Variants in COG5 observed in about 807,000 individuals in gnomAD.
COG5 encodes the protein component of oligomeric golgi complex 5.
Under a neutral mutation model 110.4 loss-of-function variants are expected in COG5, and 86 were observed. That is an observed-to-expected ratio of 0.78 (90% CI 0.65 to 0.93). The LOEUF (loss-of-function observed/expected upper bound fraction) is 0.93, where lower values mean the gene tolerates loss of function less well. Among genes scored for constraint, COG5 ranks in the 40% least tolerant of loss-of-function variants. The pLI is 0.00. For synonymous variants in COG5, 360 were observed against 334.6 expected (o/e 1.08, Z -0.83); for missense variants, 1,077 against 987.0 (o/e 1.09, Z -1.22).
intron 7 of COG5, among the ~76,000 whole-genome samples, chr7:107,387,127 T>C (rs971083996): frequency 6.6e-6 from 1 of 152,216 alleles, no homozygotes; most frequent in African/African-American, 2.4e-5. Flanking sequence ...AGTATTTCTT[T>C]TAACACTTAT....
chr7:107,332,379 T>G (rs892835742), intron 10 of COG5, among the ~76,000 whole-genome samples: 3 of 152,102 alleles, frequency 2.0e-5, no homozygotes, highest in Admixed American at 2.0e-4. Flanking sequence ...AAAATAAAGA[T>G]TGAGCATAAG....
chr7:107,387,235 G>C (rs527779681), intron 7 of COG5, among the ~76,000 whole-genome samples: 34 of 152,330 alleles, frequency 2.2e-4, no homozygotes, highest in African/African-American at 7.9e-4. Context: ...CCCAGAGCCA[G>C]CAAATGCTCC....
chr7:107,210,492 A>C (rs1441203893), intron 21 of COG5, 34 bp downstream of exon 21: 2 of 1,571,086 alleles, frequency 1.3e-6, no homozygotes, highest in African/African-American at 2.7e-5. Context: ...GGGCTTCCAG[A>C]CCAGATGGGT....
intron 6 of COG5, among the ~76,000 whole-genome samples, chr7:107,442,184 T>C (rs535212960): frequency 2.6e-5 from 4 of 152,138 alleles, no homozygotes; most frequent in African/African-American, 7.2e-5. Context: ...CTCAAGAGAT[T>C]TGGCTGTTTA....
rs202168362 is a variant in COG5, at chr7:107,425,505, T to TAA, written c.539-12875_539-12874dup. 1.1e-4 allele frequency among the ~76,000 whole-genome samples: 15 copies of TAA among 137,070 alleles called. No individual in the cohort carries two copies. The East Asian group carries it at 2.1e-3, about 19-fold the overall frequency. 89.9% of individuals were successfully genotyped at this position (137,070 alleles called of 152,430 possible). A position where few individuals can be genotyped will look rare whatever the true frequency, so the allele number is the denominator to read the frequency against. On this transcript the variant is annotated intron_variant, in intron 6 of 21. Transcript: ENST00000297135. ...TTTTTATTCTATTTCTGAATTTTAC[T>TAA]AAAAAAAAAAAAACACAAGAAATAT...
chr7:107,252,590 A>C (rs1802599325), intron 16 of COG5, among the ~76,000 whole-genome samples: 1 of 152,200 alleles, frequency 6.6e-6, no homozygotes. Context: ...AAACCAAATA[A>C]AGACATAGAA....
intron 1 of COG5, chr7:107,563,544 T>TGGG (rs71134268): frequency 1.6e-4 from 42 of 256,428 alleles, no homozygotes; most frequent in East Asian, 8.0e-4. Flanking sequence ...GCTGGAGGCA[T>TGGG]GGGGGGGGGG....
chr7:107,334,644 GA>G (rs972275046), intron 10 of COG5, among the ~76,000 whole-genome samples: 4 of 145,386 alleles, frequency 2.8e-5, no homozygotes, highest in South Asian at 2.2e-4. Flanking sequence ...TTTTCAAAGT[GA>G]AAAAAAAAAT....
intron 6 of COG5, among the ~76,000 whole-genome samples, chr7:107,444,256 T>C (rs1794882572): frequency 6.6e-6 from 1 of 152,226 alleles, no homozygotes; most frequent in African/African-American, 2.4e-5. Flanking sequence ...GTAAACTGGC[T>C]GGTTGCAGGA....
At chr7:107,249,637 T>G (rs1028964046) in intron 16 of COG5, among the ~76,000 whole-genome samples, 6 of 151,616 alleles carry the variant, frequency 4.0e-5, no homozygotes, top group Non-Finnish European at 8.8e-5. Flanking sequence ...ATCATTAAAT[T>G]CCTAATCTAT....
chr7:107,289,031 GTCCAGGC>G (rs1218968297), intron 12 of COG5, among the ~76,000 whole-genome samples: 2 of 145,206 alleles, frequency 1.4e-5, no homozygotes, highest in East Asian at 4.1e-4. Context: ...TCCCTATCTT[GTCCAGGC>G]TGGACTCAAA....
chr7:107,203,390 A>G lies in COG5; in HGVS notation c.*126T>C. On this transcript the variant is annotated 3_prime_UTR_variant, in exon 22 of 22. Transcript: ENST00000297135. ...GCTAAAGAGGTAAATAAACGTCGATAGGAAATACCGAACAATCAATTACAT... is the reference window on the plus strand; with the variant it reads ...GCTAAAGAGGTAAATAAACGTCGATGGGAAATACCGAACAATCAATTACAT... 1 of 741,118 alleles carries G rather than the reference A, an allele frequency of 1.3e-6. No individual in the cohort carries two copies. Among genetic ancestry groups the G allele is most frequent in the South Asian group, 1.4e-5 (1 of 69,020 alleles). The allele number at this position is 741,118 out of a possible 1,614,324, so 45.9% of individuals were successfully genotyped here.
chr7:107,467,112 T>A (rs75417244), intron 6 of COG5, among the ~76,000 whole-genome samples: 4,532 of 152,238 alleles, frequency 0.03, 243 homozygotes, highest in African/African-American at 0.1. Context: ...ATAGGAGGAA[T>A]TAAAACAGAT....
At chr7:107,457,785 T>C (rs990829632) in intron 6 of COG5, among the ~76,000 whole-genome samples, 2 of 152,148 alleles carry the variant, frequency 1.3e-5, no homozygotes, top group African/African-American at 4.8e-5. Flanking sequence ...GGAAAAAAAG[T>C]ATTTGAAGAA....
At chr7:107,245,134 C>A (rs962867078) in intron 17 of COG5, among the ~76,000 whole-genome samples, 1 of 152,002 alleles carries the variant, frequency 6.6e-6, no homozygotes, top group African/African-American at 2.4e-5. Context: ...CTCAATAGAC[C>A]CAGAAAAGGC....
intron 6 of COG5, among the ~76,000 whole-genome samples, chr7:107,493,399 T>A (rs1459267995): frequency 6.6e-6 from 1 of 152,190 alleles, no homozygotes; most frequent in Admixed American, 6.5e-5. Flanking sequence ...AGCAATTGTA[T>A]CATTAAATAT....
chr7:107,304,522 T>C (rs1177900665), intron 11 of COG5, among the ~76,000 whole-genome samples: 1 of 152,232 alleles, frequency 6.6e-6, no homozygotes, highest in East Asian at 1.9e-4. Context: ...TGGAGTTATG[T>C]CATTTCCCCC....
intron 14 of COG5, among the ~76,000 whole-genome samples, chr7:107,265,433 A>C (rs1326858724): frequency 6.6e-6 from 1 of 152,046 alleles, no homozygotes; most frequent in Admixed American, 6.5e-5. Context: ...ATATACCACC[A>C]TGGCCAGCTA....
chr7:107,393,119 A>G (rs185806576), intron 7 of COG5, among the ~76,000 whole-genome samples: 1 of 152,328 alleles, frequency 6.6e-6, no homozygotes, highest in Non-Finnish European at 1.5e-5. Flanking sequence ...AAAATCATAA[A>G]TTGTCCCTAA....
Sources: allele counts gnomAD v4.1 joint callset (sites outside exome capture counted in the v4.1 genomes callset), GRCh38; gene constraint gnomAD v4.1.1; transcripts MANE v1.5; gene names NCBI Gene and HGNC (gene_info 2026-07-23, HGNC 2026-07-21).